SEMA3F: variants seen among roughly 807,000 people sequenced by gnomAD.
SEMA3F encodes the protein semaphorin 3F.
In SEMA3F, 30 loss-of-function variants were observed where a neutral mutation model predicts 98.5. The observed-to-expected ratio is 0.30, with a 90% CI of 0.23 to 0.41. The LOEUF is 0.41. SEMA3F is among the 10% of genes least tolerant of loss of function. The pLI is 1.00. For missense variants in SEMA3F, 866 were observed against 1,119.3 expected (o/e 0.77, Z 3.23); for synonymous variants, 380 against 444.8 (o/e 0.85, Z 1.83).
At chr3:50,177,350 G>A (rs940229120) in intron 7 of SEMA3F, among the ~76,000 whole-genome samples, 4 of 152,214 alleles carry the variant, frequency 2.6e-5, no homozygotes, top group African/African-American at 9.7e-5. Flanking sequence ...GGAGGGTTGG[G>A]GGCTGTTCTC....
chr3:50,162,442 G>A (rs962700514), intron 2 of SEMA3F, among the ~76,000 whole-genome samples: 2 of 152,232 alleles, frequency 1.3e-5, no homozygotes, highest in East Asian at 3.9e-4. Flanking sequence ...ATTTCCAGGA[G>A]CAGGTGAGGT....
At chr3:50,179,470 C>T (rs1379220965) in intron 7 of SEMA3F, among the ~76,000 whole-genome samples, 1 of 152,032 alleles carries the variant, frequency 6.6e-6, no homozygotes, top group Non-Finnish European at 1.5e-5. Context: ...GGATTACAGG[C>T]GCATGCCACC....
In SEMA3F at chr3:50,182,843, G is replaced by A; in HGVS notation, c.903+60G>A. 6.2e-7 allele frequency: 1 copy of A among 1,611,184 alleles called. No homozygotes were observed. The highest frequency in any genetic ancestry group is 8.5e-7 in the Non-Finnish European group (1 of 1,178,522). On this transcript the variant is annotated intron_variant, in intron 9 of 18. Transcript: ENST00000002829. This position sits in a 1 kb window ranked among gnomAD's most constrained non-coding sequence, Gnocchi z 4.5. ...CACCAGTTCTGGCTTCATCAGCCCTGCTCCAGCCAGGGCTTGGGGTCAAGA... is the reference window on the plus strand; with the variant it reads ...CACCAGTTCTGGCTTCATCAGCCCTACTCCAGCCAGGGCTTGGGGTCAAGA...
Position 50,158,678 on chromosome 3 carries a change from G to A in SEMA3F, c.-48-897G>A, listed in dbSNP as rs958347852. Among the ~76,000 whole-genome samples the A allele has an allele frequency of 6.6e-6, 1 of 152,236 alleles. No homozygotes were observed. Among genetic ancestry groups the A allele is most frequent in the African/African-American group, 2.4e-5 (1 of 41,460 alleles). On this transcript the variant is annotated intron_variant, in intron 1 of 18. Coordinates refer to ENST00000002829, the MANE Select transcript of SEMA3F (RefSeq NM_004186.5). The surrounding 1 kb of genome is among the most constrained non-coding windows in gnomAD (Gnocchi z 4.8). ...GCAGTGCATCCGGTTGGGGGTGGTG[G>A]TAGGAGTTGGCGCTGGTTTGTGCCG...
chr3:50,162,401 A>C (rs895968453), intron 2 of SEMA3F, among the ~76,000 whole-genome samples: 1 of 152,228 alleles, frequency 6.6e-6, no homozygotes, highest in African/African-American at 2.4e-5. Context: ...CAGCACAGCC[A>C]AAATCAGGCA....
intron 7 of SEMA3F, among the ~76,000 whole-genome samples, chr3:50,180,119 C>A (rs758753977): frequency 4.0e-4 from 61 of 152,204 alleles, no homozygotes; most frequent in South Asian, 2.1e-3. Flanking sequence ...CCGTACTAAG[C>A]TTAATCATTT....
chr3:50,162,333 G>A (rs1698235947), intron 2 of SEMA3F, among the ~76,000 whole-genome samples: 1 of 152,232 alleles, frequency 6.6e-6, no homozygotes, highest in South Asian at 2.1e-4. Context: ...TGAGGGTCAA[G>A]CAGCCCAGGG....
Position 50,186,347 on chromosome 3 carries a change from T to G in SEMA3F, c.1812T>G (p.Asn604Lys), listed in dbSNP as rs1699212647. The change falls in exon 17 of 19, where the codon AAT becomes AAG. Residue 604 changes from asparagine (N) to lysine (K), a missense_variant and splice_region_variant. By Grantham distance (94) the Asn-to-Lys change is moderately conservative (BLOSUM62 0). Coordinates refer to ENST00000002829, the MANE Select transcript of SEMA3F (RefSeq NM_004186.5). Reference protein sequence around the residue: ...PIRQCRGFNSNANKNAVESVQ... With the variant: ...PIRQCRGFNSKANKNAVESVQ... Reference sequence around the variant, plus strand: ...GGCAGTGCCGTGGGTTCAACTCCAATGGTGAGTATGCTGGGCCTCACTGTG... The same window carrying G: ...GGCAGTGCCGTGGGTTCAACTCCAAGGGTGAGTATGCTGGGCCTCACTGTG... 6.2e-7 allele frequency: 1 copy of G among 1,613,496 alleles called. No homozygotes were observed. The highest frequency in any genetic ancestry group is 8.5e-7 in the Non-Finnish European group (1 of 1,179,738).
rs753220300 is a variant in SEMA3F at position 50,159,635 on chromosome 3, G to T, written c.13G>T (p.Gly5Cys). 2 of 1,608,970 alleles carry T rather than the reference G, an allele frequency of 1.2e-6. No individual in the cohort carries two copies. The highest frequency in any genetic ancestry group is 1.1e-5 in the South Asian group (1 of 90,606). Reference protein sequence around the residue: MLVAGLLLWASLLTG... With the variant: MLVACLLLWASLLTG... ...GGCCCCTCCCACAATGCTTGTCGCC[G>T]GTCTTCTTCTCTGGGCTTCCCTACT... Residue 5 changes from glycine to cysteine, a missense_variant, in exon 2 of 19, where the codon GGT (glycine) becomes TGT (cysteine). Physicochemically the swap from Gly to Cys is radical, Grantham distance 159. Coordinates refer to ENST00000002829, the MANE Select transcript of SEMA3F (RefSeq NM_004186.5).
At position 50,186,225 on chromosome 3, in the gene SEMA3F, G is replaced by A. The variant is rs1306869794; in HGVS notation, c.1746-56G>A. ...CTGCCCTGGAGTCAGGGAGATACAG[G>A]GACCTGGGGGGGCAAGCTTCCTGGG... On this transcript the variant is annotated intron_variant, in intron 16 of 18. Transcript: ENST00000002829. The A allele has an allele frequency of 5.7e-6, 9 of 1,577,770 alleles. No homozygotes were observed. The Admixed American group carries it at 1.5e-4, about 27-fold the overall frequency.
rs569915394 is a variant in SEMA3F, at chr3:50,173,249, G to A, written c.113-544G>A. ...AGCACTTTGGGAGGCTGAGACAGGT[G>A]GATCACGAGGTCAGGAGTTCGAGAC... On this transcript the variant is annotated intron_variant, in intron 2 of 18. Transcript: ENST00000002829. 4.8e-4 allele frequency: 75 copies of A among 156,232 alleles called. 1 individual carries two copies. The South Asian group carries it at 0.014, about 28-fold the overall frequency. 9.7% of individuals were successfully genotyped at this position (156,232 alleles called of 1,614,324 possible). A position where few individuals can be genotyped will look rare whatever the true frequency, so the allele number is the denominator to read the frequency against.
intron 13 of SEMA3F, 37 bp from the exon 14 acceptor site, chr3:50,185,406 C>A: frequency 1.8e-4 from 247 of 1,339,416 alleles, no homozygotes; most frequent in Non-Finnish European, 2.3e-4. Flanking sequence ...TCCCCAGCAT[C>A]CCCAGCCCCA....
intron 2 of SEMA3F, among the ~76,000 whole-genome samples, chr3:50,160,554 G>T (rs1698166606): frequency 6.6e-6 from 1 of 152,180 alleles, no homozygotes; most frequent in African/African-American, 2.4e-5. Context: ...TCTCCCCTGG[G>T]CCCAGGGTGA....
At chr3:50,185,584 T>G (rs1405016110) in intron 14 of SEMA3F, 53 bp downstream of exon 14, 2 of 1,612,472 alleles carry the variant, frequency 1.2e-6, no homozygotes, top group Non-Finnish European at 1.7e-6. Flanking sequence ...CTCCCCCCAG[T>G]CCCAGCCTCT....
upstream of SEMA3F, chr3:50,155,063 C>G: frequency 2.7e-6 from 1 of 364,254 alleles, no homozygotes; most frequent in Non-Finnish European, 5.0e-6. This position sits in a 1 kb window ranked among gnomAD's most constrained non-coding sequence, Gnocchi z 4.9. Context: ...GCTCTGAGCG[C>G]CCCGTCCCGC....
chr3:50,178,237 A>G (rs1381906884), intron 7 of SEMA3F, among the ~76,000 whole-genome samples: 1 of 151,260 alleles, frequency 6.6e-6, no homozygotes, highest in African/African-American at 2.4e-5. Context: ...GTGAGACTCC[A>G]TTTCAAAAAA....
At position 50,187,998 on chromosome 3, in the gene SEMA3F, G is replaced by A; in HGVS notation, c.2241G>A (p.Gln747=). Residue 747 remains glutamine (Q), a synonymous_variant, in exon 19 of 19, where the codon CAG becomes CAA. Transcript: ENST00000002829. ...PEVGLIHQYC[Q]GYWRHVPPSP... ...TGGGCCTCATCCACCAGTACTGCCA[G>A]GGTTACTGGCGCCATGTGCCCCCCA... 1 of 1,606,016 alleles carries A rather than the reference G, an allele frequency of 6.2e-7. No individual in the cohort carries two copies. Among genetic ancestry groups the A allele is most frequent in the African/African-American group, 1.3e-5 (1 of 74,594 alleles).
At position 50,182,517 on chromosome 3, in the gene SEMA3F, G is replaced by C; in HGVS notation, c.763+114G>C. On this transcript the variant is annotated intron_variant, in intron 8 of 18. Coordinates refer to ENST00000002829, the MANE Select transcript of SEMA3F (RefSeq NM_004186.5). This position sits in a 1 kb window ranked among gnomAD's most constrained non-coding sequence, Gnocchi z 4.5. ...ACATGTTTAGCCTATGACTACCTGG[G>C]GCAGGGGTAGTTTCTTATCTGGAGA... 6.3e-7 allele frequency: 1 copy of C among 1,576,126 alleles called. No homozygotes were observed. Among genetic ancestry groups the C allele is most frequent in the Non-Finnish European group, 8.7e-7 (1 of 1,155,500 alleles).
intron 7 of SEMA3F, among the ~76,000 whole-genome samples, chr3:50,179,816 T>G (rs1698956288): frequency 6.6e-6 from 1 of 152,224 alleles, no homozygotes; most frequent in Non-Finnish European, 1.5e-5. Flanking sequence ...GTTTCAAACC[T>G]TTCTTCTCCA....
Sources: allele counts gnomAD v4.1 joint callset (sites outside exome capture counted in the v4.1 genomes callset), GRCh38; gene constraint gnomAD v4.1.1; non-coding constraint Gnocchi (gnomAD v3.1); transcripts MANE v1.5; gene names NCBI Gene and HGNC (gene_info 2026-07-23, HGNC 2026-07-21).